The following AOPEP variants were observed in gnomAD, a reference collection of about 807,000 sequenced individuals.
AOPEP encodes aminopeptidase O (putative).
In AOPEP, 77 loss-of-function variants were observed where a neutral mutation model predicts 98.1. The observed-to-expected ratio is 0.78, with a 90% CI of 0.65 to 0.95. AOPEP has a LOEUF of 0.95. AOPEP is among the 40% of genes least tolerant of loss of function. AOPEP has a pLI of 0.00. For missense variants in AOPEP, 1,024 were observed against 1,024.7 expected, an observed-to-expected ratio of 1.00 and a Z score of 0.01; for synonymous variants, 346 against 365.3, an observed-to-expected ratio of 0.95 and a Z score of 0.60.
chr9:95,053,249 G>A (rs1029889704), intron 13 of AOPEP, among the ~76,000 whole-genome samples: 21 of 152,228 alleles, frequency 1.4e-4, no homozygotes, highest in African/African-American at 4.8e-4. Flanking sequence ...GGGGAAGCCA[G>A]AGAGTTCAGG....
chr9:95,083,603 CCACACGTAGCGCG>C (rs1371883592), intron 16 of AOPEP, among the ~76,000 whole-genome samples: 1 of 150,382 alleles, frequency 6.6e-6, no homozygotes, highest in Non-Finnish European at 1.5e-5. Context: ...AGCACATGCA[CCACACGTAGCGCG>C]CACACTGCAT....
chr9:94,743,211 G>GGAAGAAGAAGAGGAAGAAGAAGAGGAA lies in AOPEP; in HGVS notation c.-135-16430_-135-16429insAGAGGAAGAAGAAGAGGAAGAAGAAGA, dbSNP rs1442241812. Among the ~76,000 whole-genome samples the GGAAGAAGAAGAGGAAGAAGAAGAGGAA allele has an allele frequency of 2.0e-5, 3 of 146,396 alleles. No homozygotes were observed. The South Asian group carries it at 6.8e-4, about 33-fold the overall frequency. On this transcript the variant is annotated intron_variant, in intron 1 of 16. Transcript: ENST00000375315. ...AAGAAGAAGAAGAAGAGGAAGAAGA[G>GGAAGAAGAAGAGGAAGAAGAAGAGGAA]GAAGAAGAGGAAGAAGAAGAGGAAG...
the AOPEP span, among the ~76,000 whole-genome samples, chr9:95,104,879 A>AGCACC: frequency 3.3e-5 from 5 of 152,072 alleles, no homozygotes; most frequent in Non-Finnish European, 7.4e-5. Context: ...GCCCCCCATA[A>AGCACC]GCACCTTCCC....
intron 1 of AOPEP, among the ~76,000 whole-genome samples, chr9:94,738,526 C>T (rs1832288370): frequency 6.6e-6 from 1 of 152,126 alleles, no homozygotes; most frequent in African/African-American, 2.4e-5. Context: ...CAGTTTTGTA[C>T]CACCTGTGCT....
intron 15 of AOPEP, 60 bp downstream of exon 15, chr9:95,080,840 G>A: frequency 9.3e-7 from 1 of 1,074,504 alleles, no homozygotes; most frequent in Non-Finnish European, 1.5e-6. Context: ...ACTTCACACA[G>A]GAATCCACGT....
At chr9:94,987,506 C>T (rs185643899) in intron 11 of AOPEP, among the ~76,000 whole-genome samples, 176 of 152,286 alleles carry the variant, frequency 1.2e-3, no homozygotes, top group Non-Finnish European at 1.9e-3. Context: ...GAAGGTTCAG[C>T]GGGTAGCATC....
chr9:94,910,249 A>G (rs1214269959), intron 5 of AOPEP, among the ~76,000 whole-genome samples: 1 of 152,090 alleles, frequency 6.6e-6, no homozygotes, highest in Non-Finnish European at 1.5e-5. Flanking sequence ...CGACTAGGCC[A>G]TGCCTCTTCA....
At chr9:94,809,694 A>G (rs1283651304) in intron 5 of AOPEP, among the ~76,000 whole-genome samples, 1 of 152,262 alleles carries the variant, frequency 6.6e-6, no homozygotes, top group East Asian at 1.9e-4. Flanking sequence ...TACCCAATTC[A>G]TATATCTATA....
intron 1 of AOPEP, among the ~76,000 whole-genome samples, chr9:94,730,152 C>T (rs1005595576): frequency 4.6e-5 from 7 of 151,954 alleles, no homozygotes; most frequent in Non-Finnish European, 8.8e-5. Flanking sequence ...GGCGTGGTGG[C>T]GGGCGCCTAT....
At chr9:94,994,648 A>T (rs1039680468) in intron 11 of AOPEP, among the ~76,000 whole-genome samples, 2 of 152,180 alleles carry the variant, frequency 1.3e-5, no homozygotes, top group Non-Finnish European at 2.9e-5. Context: ...TTCAGAGAGC[A>T]ATGTAGAAAT....
At chr9:94,816,310 A>G (rs1035966083) in intron 5 of AOPEP, among the ~76,000 whole-genome samples, 1 of 152,188 alleles carries the variant, frequency 6.6e-6, no homozygotes, top group African/African-American at 2.4e-5. Context: ...ACGCAGATAC[A>G]CTGCTTTTCC....
At chr9:94,941,399 A>G (rs569497834) in intron 7 of AOPEP, among the ~76,000 whole-genome samples, 3 of 152,272 alleles carry the variant, frequency 2.0e-5, no homozygotes, top group Non-Finnish European at 4.4e-5. Flanking sequence ...CTGTCTGTCT[A>G]GTGTTTTTAT....
At chr9:95,044,397 G>A (rs1190746217) in intron 13 of AOPEP, among the ~76,000 whole-genome samples, 1 of 151,952 alleles carries the variant, frequency 6.6e-6, no homozygotes, top group Non-Finnish European at 1.5e-5. Flanking sequence ...GTGGGAGTGA[G>A]GGGGGATTAA....
rs913767520 is a variant in AOPEP, at chr9:94,955,251, A to G, written c.1736A>G (p.Lys579Arg). ...SVIKHGLNPE[K>R]IFMQVHYLKG... is the part of the protein sequence containing the mutation. ...ATCAAGCATGGACTTAATCCGGAGA[A>G]GATCTTCATGCAGGTGCATTATTTA... The change falls in exon 8 of 17, where the codon AAG becomes AGG. Residue 579 changes from lysine to arginine, a missense_variant. By Grantham distance (26) the Lys-to-Arg change is conservative. Transcript: ENST00000375315. 12 of 1,613,270 alleles carry G rather than the reference A, an allele frequency of 7.4e-6. No homozygotes were observed. In the African/African-American group the frequency reaches 1.2e-4, roughly 16 times the overall value.
chr9:94,800,766 T>C lies in AOPEP; in HGVS notation c.1128T>C (p.Gly376=), dbSNP rs138690983. Residue 376 remains glycine (G), a synonymous_variant, in exon 5 of 17, where the codon GGT becomes GGC. Coordinates refer to ENST00000375315, the MANE Select transcript of AOPEP (RefSeq NM_001193329.3). Reference sequence around the variant, plus strand: ...TTTGTGTTATTCCCAGGCATGTTGGTGTTTGCAGTCACATGGAATACCCCT... The same window carrying C: ...TTTGTGTTATTCCCAGGCATGTTGGCGTTTGCAGTCACATGGAATACCCCT... ...SPSEANFRHV[G]VCSHMEYPCR... is the part of the protein sequence containing the mutation. 1,743 of 1,614,076 alleles carry C rather than the reference T, an allele frequency of 1.1e-3. 19 individuals carry two copies. The South Asian group carries it at 0.017, about 16-fold the overall frequency.
intron 9 of AOPEP, among the ~76,000 whole-genome samples, chr9:94,963,172 G>T (rs1349971903): frequency 1.3e-5 from 2 of 151,472 alleles, no homozygotes; most frequent in African/African-American, 4.9e-5. Flanking sequence ...ATTTTGTTTT[G>T]CCTCTACTAC....
At chr9:94,855,547 C>T (rs1325492110) in intron 5 of AOPEP, among the ~76,000 whole-genome samples, 1 of 151,984 alleles carries the variant, frequency 6.6e-6, no homozygotes, top group African/African-American at 2.4e-5. Flanking sequence ...GTTAGCCAGA[C>T]GTGATGGCGC....
At chr9:94,752,705 A>G (rs981704377) in intron 1 of AOPEP, among the ~76,000 whole-genome samples, 2 of 152,238 alleles carry the variant, frequency 1.3e-5, no homozygotes, top group Admixed American at 6.5e-5. Flanking sequence ...AAAAATGGCC[A>G]TAACAATATC....
the AOPEP span, chr9:95,135,472 T>C: frequency 6.2e-7 from 1 of 1,614,090 alleles, no homozygotes; most frequent in South Asian, 1.1e-5. Flanking sequence ...AGAGGCAGAC[T>C]ACAGCTGACA....
Sources: gnomAD v4.1 joint callset for allele counts (sites outside exome capture counted in the v4.1 genomes callset) on GRCh38, gnomAD v4.1.1 for gene constraint, MANE v1.5 for transcripts, NCBI Gene and HGNC (gene_info 2026-07-23, HGNC 2026-07-21) for gene names.